The following TNFSF13B variants were observed in gnomAD, a reference collection of about 807,000 sequenced individuals.
TNFSF13B encodes TNF superfamily member 13b, also known as tumor necrosis factor ligand superfamily member 13B.
Under a neutral mutation model 29.1 loss-of-function variants are expected in TNFSF13B, and 8 were observed. The ratio of observed to expected loss-of-function variants is 0.27; its 90% CI spans 0.16 to 0.50. The LOEUF (loss-of-function observed/expected upper bound fraction) is 0.50, where lower values mean the gene tolerates loss of function less well. TNFSF13B is among the 20% of genes least tolerant of loss of function. TNFSF13B has a pLI of 0.98. For synonymous variants in TNFSF13B, 125 were observed against 130.8 expected, an observed-to-expected ratio of 0.96 and a Z score of 0.30; for missense variants, 248 against 334.9, an observed-to-expected ratio of 0.74 and a Z score of 2.03.
At position 108,303,045 on chromosome 13, in the gene TNFSF13B, T is replaced by C. The variant is rs1881669897; in HGVS notation, c.482-208T>C. ...AGCTCTCAGGTTCTTGTATCTGATATATTAACCCAGGTTAACATATAAGTG... is the reference window on the plus strand; with the variant it reads ...AGCTCTCAGGTTCTTGTATCTGATACATTAACCCAGGTTAACATATAAGTG... On this transcript the variant is annotated intron_variant, in intron 3 of 5. Transcript: ENST00000375887. 3.9e-5 allele frequency among the ~76,000 whole-genome samples: 6 copies of C among 152,218 alleles called. No homozygotes were observed. In the South Asian group the frequency reaches 1.0e-3, roughly 26 times the overall value.
At chr13:108,287,291 C>G (rs1258147943) in intron 3 of TNFSF13B, among the ~76,000 whole-genome samples, 1 of 152,074 alleles carries the variant, frequency 6.6e-6, no homozygotes, top group African/African-American at 2.4e-5. Context: ...AAAATATCCC[C>G]AGTACTTTTT....
chr13:108,278,471 C>T (rs906011996), intron 2 of TNFSF13B, among the ~76,000 whole-genome samples: 4 of 151,860 alleles, frequency 2.6e-5, no homozygotes, highest in African/African-American at 4.8e-5. Context: ...TTATCCCATA[C>T]AAACATCTTT....
rs147117556 is a variant in TNFSF13B at position 108,271,610 on chromosome 13, A to G, written c.424+1186A>G. 9.9e-4 allele frequency among the ~76,000 whole-genome samples: 151 copies of G among 152,300 alleles called. 4 individuals are homozygous for G. The East Asian group carries it at 0.023, about 23-fold the overall frequency. Reference sequence around the variant, plus strand: ...TGGTTATTGTATCTTTATACTAGTTATCAGGAATAACTGGGCTTAAACATT... The same window carrying G: ...TGGTTATTGTATCTTTATACTAGTTGTCAGGAATAACTGGGCTTAAACATT... On this transcript the variant is annotated intron_variant, in intron 2 of 5. Transcript: ENST00000375887.
At chr13:108,281,093 A>G (rs1362088211) in intron 2 of TNFSF13B, among the ~76,000 whole-genome samples, 1 of 152,110 alleles carries the variant, frequency 6.6e-6, no homozygotes, top group Non-Finnish European at 1.5e-5. Flanking sequence ...CTAAAAATAC[A>G]AAATTAGCCA....
chr13:108,307,136 A>G lies in TNFSF13B; in HGVS notation c.*198A>G, dbSNP rs1303013313. 1 of 488,274 alleles carries G rather than the reference A, an allele frequency of 2.0e-6. No homozygotes were observed. 30.2% of individuals were successfully genotyped at this position (488,274 alleles called of 1,614,324 possible). The stretch of plus-strand genomic sequence containing the variant: ...GAAATTTAACAGACAGCCACAGCCA[A>G]AGAGTGTCATGTGAATTACAAGAAA... On this transcript the variant is annotated 3_prime_UTR_variant, in exon 6 of 6. Transcript: ENST00000375887.
chr13:108,280,151 A>ATCTCTAAAAT (rs1880894538), intron 2 of TNFSF13B, among the ~76,000 whole-genome samples: 1 of 151,550 alleles, frequency 6.6e-6, no homozygotes, highest in African/African-American at 2.4e-5. Flanking sequence ...AATGAAATGA[A>ATCTCTAAAAT]TGAGAGATGG....
At chr13:108,303,838 T>A (rs144235539) in intron 5 of TNFSF13B, among the ~76,000 whole-genome samples, 1 of 152,156 alleles carries the variant, frequency 6.6e-6, no homozygotes, top group Non-Finnish European at 1.5e-5. Context: ...TTAGAAAGGG[T>A]AGTAATTTCA....
At chr13:108,294,262 A>G (rs1486360772) in intron 3 of TNFSF13B, among the ~76,000 whole-genome samples, 1 of 151,240 alleles carries the variant, frequency 6.6e-6, no homozygotes, top group Admixed American at 6.6e-5. Context: ...TCACAGCAAC[A>G]TCTGCCTCCT....
chr13:108,301,208 C>A (rs1277631560), intron 3 of TNFSF13B: 1 of 152,050 alleles, frequency 6.6e-6, no homozygotes, highest in African/African-American at 2.4e-5. Flanking sequence ...AAGTATATAT[C>A]CAAAGAAAAT....
chr13:108,293,218 A>T (rs985491136), intron 3 of TNFSF13B, among the ~76,000 whole-genome samples: 1 of 152,180 alleles, frequency 6.6e-6, no homozygotes, highest in African/African-American at 2.4e-5. Context: ...ACTTGTTAAA[A>T]ATCAGTTGTA....
At position 108,297,171 on chromosome 13, in the gene TNFSF13B, A is replaced by G. The variant is rs1198941691; in HGVS notation, c.482-6082A>G. ...CTCTCTCAGTTTTTCTTTATTTGAG[A>G]ACATCTTAATTTTTCTTCACATTTT... On this transcript the variant is annotated intron_variant, in intron 3 of 5. Coordinates refer to ENST00000375887, the MANE Select transcript of TNFSF13B (RefSeq NM_006573.5). 2.1e-5 allele frequency among the ~76,000 whole-genome samples: 3 copies of G among 145,318 alleles called. 1 individual carries two copies. Among genetic ancestry groups the G allele is most frequent in the Non-Finnish European group, 4.6e-5 (3 of 65,386 alleles).
chr13:108,283,740 C>G (rs1881031285), intron 2 of TNFSF13B, among the ~76,000 whole-genome samples: 1 of 152,112 alleles, frequency 6.6e-6, no homozygotes, highest in South Asian at 2.1e-4. Context: ...GACCAAGATG[C>G]CTAAAGATTT....
rs1261026422 is a variant in TNFSF13B, at chr13:108,295,002, A to T, written c.481+8143A>T. 3.4e-5 allele frequency among the ~76,000 whole-genome samples: 5 copies of T among 145,542 alleles called. 1 individual carries two copies. The highest frequency in any genetic ancestry group is 7.6e-5 in the Non-Finnish European group (5 of 65,632). On this transcript the variant is annotated intron_variant, in intron 3 of 5. Transcript: ENST00000375887. Reference sequence around the variant, plus strand: ...TCTAATTTGTTGGAGTACAATTATTATAAATAATAAAAAGGTATAGACATT... The same window carrying T: ...TCTAATTTGTTGGAGTACAATTATTTTAAATAATAAAAAGGTATAGACATT...
At chr13:108,301,444 C>T (rs1001575076) in intron 3 of TNFSF13B, 5 of 152,174 alleles carry the variant, frequency 3.3e-5, no homozygotes, top group African/African-American at 9.6e-5. Context: ...GCAATATATA[C>T]ACAGTGGAAT....
chr13:108,299,309 A>G (rs1881546152), intron 3 of TNFSF13B, among the ~76,000 whole-genome samples: 1 of 145,328 alleles, frequency 6.9e-6, no homozygotes, highest in South Asian at 2.1e-4. Context: ...TGAGTAGTTC[A>G]TAATTTTCTC....
rs372634681 is a variant in TNFSF13B at position 108,270,276 on chromosome 13, T to C, written c.339+42T>C. Reference sequence around the variant, plus strand: ...TGCAAGACGCAGGCAAGATCCTGCCTACACTGCTGCCTCTCCCTCGCCTCA... The same window carrying C: ...TGCAAGACGCAGGCAAGATCCTGCCCACACTGCTGCCTCTCCCTCGCCTCA... On this transcript the variant is annotated intron_variant, in intron 1 of 5. Coordinates refer to ENST00000375887, the MANE Select transcript of TNFSF13B (RefSeq NM_006573.5). 8.1e-6 allele frequency: 13 copies of C among 1,612,962 alleles called. No individual in the cohort carries two copies. The South Asian group carries it at 1.4e-4, about 18-fold the overall frequency.
rs1305807836 is a variant in TNFSF13B at position 108,275,153 on chromosome 13, C to T, written c.424+4729C>T. Among the ~76,000 whole-genome samples, 5 of 151,946 alleles carry T rather than the reference C, an allele frequency of 3.3e-5. No homozygotes were observed. In the East Asian group the frequency reaches 7.7e-4, roughly 23 times the overall value. ...ATTAGCCAAAAATTCACTTTTAAGCCCGTAACTGTGTTTGGAGATATTCCC... is the reference window on the plus strand; with the variant it reads ...ATTAGCCAAAAATTCACTTTTAAGCTCGTAACTGTGTTTGGAGATATTCCC... On this transcript the variant is annotated intron_variant, in intron 2 of 5. Transcript: ENST00000375887.
At chr13:108,294,112 G>A (rs1007085695) in intron 3 of TNFSF13B, among the ~76,000 whole-genome samples, 1 of 150,976 alleles carries the variant, frequency 6.6e-6, no homozygotes, top group Admixed American at 6.6e-5. Flanking sequence ...ATTTTTGAGT[G>A]TTGATCTTGT....
intron 5 of TNFSF13B, 50 bp from the exon 6 acceptor site, chr13:108,306,776 C>A (rs776411344): frequency 9.4e-7 from 1 of 1,062,016 alleles, no homozygotes; most frequent in Non-Finnish European, 1.4e-6. Flanking sequence ...AGATTCTTTT[C>A]TTTTCTGTTG....
Sources: gnomAD v4.1 joint callset for allele counts (sites outside exome capture counted in the v4.1 genomes callset) on GRCh38, gnomAD v4.1.1 for gene constraint, MANE v1.5 for transcripts, NCBI Gene and HGNC (gene_info 2026-07-23, HGNC 2026-07-21) for gene names.